ANKRD36B: variants seen among roughly 807,000 people sequenced by gnomAD.
The protein encoded by ANKRD36B is ankyrin repeat domain 36B.
A neutral mutation model predicts 135.7 loss-of-function variants in ANKRD36B; 37 were observed. That is an observed-to-expected ratio of 0.27 (90% confidence interval 0.21 to 0.36). The LOEUF (loss-of-function observed/expected upper bound fraction) is 0.36. ANKRD36B is among the 10% of genes least tolerant of loss of function. The pLI, the probability that ANKRD36B is intolerant of heterozygous loss-of-function variation, is 1.00. For synonymous variants in ANKRD36B, 179 were observed against 348.1 expected, an observed-to-expected ratio of 0.51 and a Z score of 5.41; for missense variants, 549 against 1,037.1, an observed-to-expected ratio of 0.53 and a Z score of 6.46.
At chr2:97,553,725 C>T (rs2080257548) in intron 14 of ANKRD36B, among the ~76,000 whole-genome samples, 3 of 151,938 alleles carry the variant, frequency 2.0e-5, no homozygotes, top group African/African-American at 7.2e-5. Context: ...GCAGGTGGCA[C>T]ATGCACCCAC....
intron 20 of ANKRD36B, among the ~76,000 whole-genome samples, chr2:97,548,315 A>T (rs1394755829): frequency 6.6e-6 from 1 of 151,886 alleles, no homozygotes; most frequent in African/African-American, 2.4e-5. Context: ...TCTCACACCC[A>T]TATGGTGTAA....
chr2:97,561,813 A>G (rs4069650), intron 6 of ANKRD36B, among the ~76,000 whole-genome samples: 1 of 151,924 alleles, frequency 6.6e-6, no homozygotes, highest in Non-Finnish European at 1.5e-5. Flanking sequence ...GCATATTCAC[A>G]TTTATCTCAT....
intron 6 of ANKRD36B, among the ~76,000 whole-genome samples, chr2:97,574,208 C>T (rs2082075784): frequency 6.6e-6 from 1 of 152,032 alleles, no homozygotes; most frequent in African/African-American, 2.4e-5. Flanking sequence ...AACAAACAAC[C>T]CCATCAAAAA....
intron 14 of ANKRD36B, among the ~76,000 whole-genome samples, chr2:97,554,559 A>G (rs1225359537): frequency 6.6e-6 from 1 of 151,912 alleles, no homozygotes; most frequent in African/African-American, 2.4e-5. Context: ...CCAAAATTAC[A>G]TAAATAACTT....
rs2442256 is a variant in ANKRD36B at position 97,560,754 on chromosome 2, A to G, written c.793-17T>C. On this transcript the variant is annotated splice_polypyrimidine_tract_variant and intron_variant, in intron 7 of 43. Coordinates refer to ENST00000359901, the MANE Select transcript of ANKRD36B (RefSeq NM_001393939.1). ...ACTTGTAGCCTGAATGGGATTTGAAACAAAATAATCAATATGTAAAGTAGG... is the reference window on the plus strand; with the variant it reads ...ACTTGTAGCCTGAATGGGATTTGAAGCAAAATAATCAATATGTAAAGTAGG... The G allele has an allele frequency of 1.4e-5, 22 of 1,598,322 alleles. No individual in the cohort carries two copies. The South Asian group carries it at 1.5e-4, about 11-fold the overall frequency.
At chr2:97,557,246 T>C in intron 10 of ANKRD36B, 114 bp from the exon 11 acceptor site, 1 of 1,428,896 alleles carries the variant, frequency 7.0e-7, no homozygotes, top group Non-Finnish European at 9.3e-7. Flanking sequence ...AGTGTAGGAT[T>C]TGATGTTTTA....
At chr2:97,570,986 T>C (rs536576295) in intron 6 of ANKRD36B, among the ~76,000 whole-genome samples, 82 of 152,356 alleles carry the variant, frequency 5.4e-4, no homozygotes, top group African/African-American at 1.8e-3. Flanking sequence ...CCTGTATTTC[T>C]GCATGAATAA....
In ANKRD36B at chr2:97,586,115, T is replaced by C. The variant is rs375911995; in HGVS notation, c.162-717A>G. 1.1e-3 allele frequency among the ~76,000 whole-genome samples: 163 copies of C among 152,312 alleles called. 4 individuals are homozygous for C. The East Asian group carries it at 0.013, about 12-fold the overall frequency. ...ACAGTTCATAGAACAGGCAGTTCTA[T>C]TCATATAATTGGCACCTAAATGAAG... On this transcript the variant is annotated intron_variant, in intron 1 of 43. Transcript: ENST00000359901.
intron 21 of ANKRD36B, 30 bp downstream of exon 21, chr2:97,547,673 A>G (rs750544058): frequency 4.5e-6 from 7 of 1,555,296 alleles, no homozygotes; most frequent in Admixed American, 3.7e-5. Flanking sequence ...TACATTTACT[A>G]GTTCACAATA....
At chr2:97,537,047 T>G (rs1330018135) in intron 32 of ANKRD36B, among the ~76,000 whole-genome samples, 1 of 96,770 alleles carries the variant, frequency 1.0e-5, no homozygotes. Flanking sequence ...TGAATCCTAG[T>G]AGTTAATATT....
intron 34 of ANKRD36B, 148 bp downstream of exon 34, chr2:97,536,152 T>C: frequency 2.6e-6 from 1 of 383,962 alleles, no homozygotes; most frequent in Non-Finnish European, 5.1e-6. Context: ...TTTGAAAATA[T>C]AAATAAAAAT....
chr2:97,521,622 T>G (rs1198697449), intron 36 of ANKRD36B, among the ~76,000 whole-genome samples: 2 of 94,982 alleles, frequency 2.1e-5, no homozygotes, highest in African/African-American at 6.1e-5. Context: ...GTGCTGTCTA[T>G]GTTGGCAATC....
At position 97,521,591 on chromosome 2, in the gene ANKRD36B, C is replaced by T. The variant is rs1411476930; in HGVS notation, c.2407+1735G>A. Among the ~76,000 whole-genome samples the T allele has an allele frequency of 1.0e-4, 9 of 89,544 alleles. 2 individuals carry two copies. Among genetic ancestry groups the T allele is most frequent in the Admixed American group, 2.0e-4 (2 of 10,228 alleles). 58.7% of individuals were successfully genotyped at this position (89,544 alleles called of 152,430 possible). ...GAAACAATGTTTGTATACATGAGGT[C>T]GGATGTAGAATTTTTCCACTGTGCT... On this transcript the variant is annotated intron_variant, in intron 36 of 43. Transcript: ENST00000359901.
At chr2:97,566,270 G>A (rs553380761) in intron 6 of ANKRD36B, among the ~76,000 whole-genome samples, 4 of 152,096 alleles carry the variant, frequency 2.6e-5, no homozygotes, top group South Asian at 2.1e-4. Context: ...GCAGTGAGCC[G>A]AGATTGTGCC....
intron 18 of ANKRD36B, 113 bp from the exon 19 acceptor site, chr2:97,549,727 T>G: frequency 6.4e-7 from 1 of 1,553,074 alleles, no homozygotes; most frequent in Non-Finnish European, 8.7e-7. Context: ...TAGCGTAGGC[T>G]TTGATGGCTT....
intron 1 of ANKRD36B, among the ~76,000 whole-genome samples, chr2:97,589,153 A>C (rs1573125727): frequency 2.5e-5 from 2 of 78,680 alleles, no homozygotes; most frequent in African/African-American, 5.2e-5. Flanking sequence ...CCCCCACCCC[A>C]TTCACCCCCA....
chr2:97,564,612 C>A (rs1460125916), intron 6 of ANKRD36B, among the ~76,000 whole-genome samples: 71 of 152,124 alleles, frequency 4.7e-4, no homozygotes, highest in Non-Finnish European at 1.6e-4. Flanking sequence ...CCAGTTTTCC[C>A]AACACCATTT....
chr2:97,579,522 CTA>C (rs112707466), intron 4 of ANKRD36B, among the ~76,000 whole-genome samples: 79,283 of 143,356 alleles, frequency 0.55, 23,231 homozygotes, highest in Non-Finnish European at 0.67. Context: ...TAATTAAACA[CTA>C]TATATATATA....
chr2:97,578,790 A>G lies in ANKRD36B; in HGVS notation c.695+116T>C, dbSNP rs2082389369. ...AAACTTAAAAACTTGAAAATTTGTC[A>G]CTTGAAAACTACTTGAACCAAACTA... On this transcript the variant is annotated intron_variant, in intron 5 of 43. Coordinates refer to ENST00000359901, the MANE Select transcript of ANKRD36B (RefSeq NM_001393939.1). The G allele has an allele frequency of 3.8e-6, 5 of 1,301,736 alleles. No homozygotes were observed. In the African/African-American group the frequency reaches 5.9e-5, roughly 15 times the overall value. 80.6% of individuals were successfully genotyped at this position (1,301,736 alleles called of 1,614,324 possible). A position where few individuals can be genotyped will look rare whatever the true frequency, so the allele number is the denominator to read the frequency against.
Sources: gnomAD v4.1 joint callset for allele counts (sites outside exome capture counted in the v4.1 genomes callset) on GRCh38, gnomAD v4.1.1 for gene constraint, MANE v1.5 for transcripts, NCBI Gene and HGNC (gene_info 2026-07-23, HGNC 2026-07-21) for gene names.